OR6B1: variants seen among roughly 807,000 people sequenced by gnomAD.
The protein encoded by OR6B1 is olfactory receptor family 6 subfamily B member 1, also known as olfactory receptor 6B1.
In OR6B1, 15 loss-of-function variants were observed where a neutral mutation model predicts 15.4. That is an observed-to-expected ratio of 0.97 (90% CI 0.65 to 1.50). The LOEUF is 1.50. OR6B1 is among the 40% of genes most tolerant of loss of function. The pLI, the probability that OR6B1 is intolerant of heterozygous loss-of-function variation, is 0.00. For missense variants in OR6B1, 384 were observed against 385.0 expected (o/e 1.00, Z 0.02); for synonymous variants, 139 against 144.9 (o/e 0.96, Z 0.29).
rs1563012186 is a variant in OR6B1, at chr7:144,004,219, T to C, written c.223T>C (p.Ser75Pro). 3 of 1,614,216 alleles carry C rather than the reference T, an allele frequency of 1.9e-6. No individual in the cohort carries two copies. Among genetic ancestry groups the C allele is most frequent in the Admixed American group, 1.7e-5 (1 of 60,030 alleles). Residue 75 changes from serine to proline, a missense_variant, in exon 2 of 2, where the codon TCT becomes CCT. Physicochemically the swap from Ser to Pro is moderately conservative, Grantham distance 74 (BLOSUM62 -1). Coordinates refer to ENST00000641698, the MANE Select transcript of OR6B1 (RefSeq NM_001005281.3). ...GTCCTTCTTGGAGACCTGGTACATCTCTGTGACTGTGCCCAAGTTACTGTT... is the reference window on the plus strand; with the variant it reads ...GTCCTTCTTGGAGACCTGGTACATCCCTGTGACTGTGCCCAAGTTACTGTT... ...NLSFLETWYI[S>P]VTVPKLLFSF...
At chr7:144,000,887 G>A (rs1377048616) in intron 1 of OR6B1, among the ~76,000 whole-genome samples, 1 of 152,154 alleles carries the variant, frequency 6.6e-6, no homozygotes, top group Non-Finnish European at 1.5e-5. Context: ...ATCTCTCTGT[G>A]TGGGATCAAA....
In OR6B1 at chr7:144,000,586, C is replaced by T. The variant is rs1285602410; in HGVS notation, c.-90C>T. 6.6e-6 allele frequency: 1 copy of T among 152,620 alleles called. No individual in the cohort carries two copies. Among genetic ancestry groups the T allele is most frequent in the Non-Finnish European group, 1.5e-5 (1 of 68,042 alleles). 9.5% of individuals were successfully genotyped at this position (152,620 alleles called of 1,614,324 possible). A position where few individuals can be genotyped will look rare whatever the true frequency, so the allele number is the denominator to read the frequency against. On this transcript the variant is annotated 5_prime_UTR_variant, in exon 1 of 2. Coordinates refer to ENST00000641698, the MANE Select transcript of OR6B1 (RefSeq NM_001005281.3). ...CCTGAATCTTTTTCTTCTGCATCTT[C>T]CTATTTTAGAATTGGTGAAGGCTTT...
rs201173805 is a variant in OR6B1 at position 144,004,918 on chromosome 7, A to C, written c.922A>C (p.Ser308Arg). 12 of 1,600,514 alleles carry C rather than the reference A, an allele frequency of 7.5e-6. No individual in the cohort carries two copies. In the East Asian group the frequency reaches 2.0e-4, roughly 27 times the overall value. The change falls in exon 2 of 2, where the codon AGC becomes CGC. Residue 308 changes from serine to arginine, a missense_variant. Ser to Arg is a moderately radical substitution (Grantham distance 110, BLOSUM62 -1). Transcript: ENST00000641698. ...GAAGAAACTGGCATATTGCCAGGCC[A>C]GCAGATCTGACTAGTCAATTACAGC... Reference protein sequence around the residue: ...ALKKLAYCQASRSD With the variant: ...ALKKLAYCQARRSD
In OR6B1 at chr7:144,004,762, A is replaced by T; in HGVS notation, c.766A>T (p.Met256Leu). Residue 256 changes from methionine to leucine, a missense_variant, in exon 2 of 2, where the codon ATG (methionine) becomes TTG (leucine). Coordinates refer to ENST00000641698, the MANE Select transcript of OR6B1 (RefSeq NM_001005281.3). The part of the protein sequence containing the change: ...VTIFYSAIIF[M>L]YARPRVIHAF... Reference sequence around the variant, plus strand: ...CATTTTCTATTCAGCCATTATTTTCATGTATGCTCGACCTCGAGTTATCCA... The same window carrying T: ...CATTTTCTATTCAGCCATTATTTTCTTGTATGCTCGACCTCGAGTTATCCA... 2 of 1,614,152 alleles carry T rather than the reference A, an allele frequency of 1.2e-6. No homozygotes were observed. The highest frequency in any genetic ancestry group is 1.7e-6 in the Non-Finnish European group (2 of 1,180,026).
intron 1 of OR6B1, 188 bp from the exon 2 acceptor site, chr7:144,003,784 C>CACACACACAG: frequency 3.5e-6 from 2 of 563,708 alleles, no homozygotes; most frequent in Non-Finnish European, 6.3e-6. Context: ...CACACACACA[C>CACACACACAG]ACACACACAC....
Position 144,004,643 on chromosome 7 carries a change from T to A in OR6B1, c.647T>A (p.Leu216Gln). The A allele has an allele frequency of 6.2e-7, 1 of 1,614,228 alleles. No individual in the cohort carries two copies. The highest frequency in any genetic ancestry group is 8.5e-7 in the Non-Finnish European group (1 of 1,180,026). Residue 216 changes from leucine (L) to glutamine (Q), a missense_variant, in exon 2 of 2, where the codon CTG becomes CAG. Physicochemically the swap from Leu to Gln is moderately radical, Grantham distance 113 (BLOSUM62 -2). Transcript: ENST00000641698. ...IFLFPLFITV[L>Q]SYGCILATIL... Reference sequence around the variant, plus strand: ...CTATTCCCACTCTTTATTACTGTCCTGTCCTACGGATGCATTCTGGCCACC... The same window carrying A: ...CTATTCCCACTCTTTATTACTGTCCAGTCCTACGGATGCATTCTGGCCACC...
At position 144,000,658 on chromosome 7, in the gene OR6B1, C is replaced by T. The variant is rs1214906217; in HGVS notation, c.-26+8C>T. 6.6e-6 allele frequency: 1 copy of T among 152,660 alleles called. No individual in the cohort carries two copies. Among genetic ancestry groups the T allele is most frequent in the African/African-American group, 2.4e-5 (1 of 41,450 alleles). The allele number at this position is 152,660 out of a possible 1,614,324, so 9.5% of individuals were successfully genotyped here. A position where few individuals can be genotyped will look rare whatever the true frequency, so the allele number is the denominator to read the frequency against. ...AGAGGCTGCTGTGCCAAGGTAAGTGCTCCCTCTCAGAGCATTACTTTCTCA... is the reference window on the plus strand; with the variant it reads ...AGAGGCTGCTGTGCCAAGGTAAGTGTTCCCTCTCAGAGCATTACTTTCTCA... On this transcript the variant is annotated splice_region_variant and intron_variant, in intron 1 of 1. Coordinates refer to ENST00000641698, the MANE Select transcript of OR6B1 (RefSeq NM_001005281.3).
In OR6B1 at chr7:144,007,770, A is replaced by G. The variant is rs1345831235; in HGVS notation, c.*2838A>G. Reference sequence around the variant, plus strand: ...GTGGCTCCCAAAAATATATTTTCACACTTTCAACCTGGAACTTGTGATTGG... The same window carrying G: ...GTGGCTCCCAAAAATATATTTTCACGCTTTCAACCTGGAACTTGTGATTGG... On this transcript the variant is annotated 3_prime_UTR_variant, in exon 2 of 2. Coordinates refer to ENST00000641698, the MANE Select transcript of OR6B1 (RefSeq NM_001005281.3). 6.6e-6 allele frequency: 1 copy of G among 152,048 alleles called. No individual in the cohort carries two copies. The highest frequency in any genetic ancestry group is 1.5e-5 in the Non-Finnish European group (1 of 68,018). 9.4% of individuals were successfully genotyped at this position (152,048 alleles called of 1,614,324 possible).
chr7:144,003,971 G>C lies in OR6B1; in HGVS notation c.-25-1G>C, dbSNP rs776593242. The stretch of plus-strand genomic sequence containing the variant: ...CTGATCAAATGATTTTTCCTCCCCA[G>C]GAGAGCTAAGCCCTGTGTCTCCAAT... On this transcript the variant is annotated splice_acceptor_variant, in intron 1 of 1. Coordinates refer to ENST00000641698, the MANE Select transcript of OR6B1 (RefSeq NM_001005281.3). LOFTEE classifies it low-confidence loss of function (5UTR_SPLICE). 3 of 1,535,872 alleles carry C rather than the reference G, an allele frequency of 2.0e-6. No individual in the cohort carries two copies. The African/African-American group carries it at 4.1e-5, about 21-fold the overall frequency.
chr7:144,003,657 G>A (rs900874371), intron 1 of OR6B1, among the ~76,000 whole-genome samples: 1 of 152,066 alleles, frequency 6.6e-6, no homozygotes, highest in African/African-American at 2.4e-5. Context: ...ATTAGAAGGA[G>A]CGTGGGCTTT....
In OR6B1 at chr7:144,004,654, T is replaced by C; in HGVS notation, c.658T>C (p.Cys220Arg). Residue 220 changes from cysteine to arginine, a missense_variant, in exon 2 of 2, where the codon TGC becomes CGC. Coordinates refer to ENST00000641698, the MANE Select transcript of OR6B1 (RefSeq NM_001005281.3). ...PLFITVLSYG[C>R]ILATILCMPT... The stretch of plus-strand genomic sequence containing the variant: ...CTTTATTACTGTCCTGTCCTACGGA[T>C]GCATTCTGGCCACCATATTATGCAT... 1 of 1,614,238 alleles carries C rather than the reference T, an allele frequency of 6.2e-7. No homozygotes were observed. The highest frequency in any genetic ancestry group is 8.5e-7 in the Non-Finnish European group (1 of 1,180,038).
At position 144,006,604 on chromosome 7, in the gene OR6B1, AAG is replaced by A. The variant is rs2050626512; in HGVS notation, c.*1676_*1677del. ...CTATTTAAAATCTAGACACACAAAA[AAG>A]AGATTATTTTCTGAAAACTTCAAAT... On this transcript the variant is annotated 3_prime_UTR_variant, in exon 2 of 2. Transcript: ENST00000641698. 1 of 152,214 alleles carries A rather than the reference AAG, an allele frequency of 6.6e-6. No homozygotes were observed. Among genetic ancestry groups the A allele is most frequent in the Non-Finnish European group, 1.5e-5 (1 of 68,044 alleles). The allele number at this position is 152,214 out of a possible 1,614,324, so 9.4% of individuals were successfully genotyped here.
rs147847304 is a variant in OR6B1, at chr7:144,007,326, A to T, written c.*2394A>T. On this transcript the variant is annotated 3_prime_UTR_variant, in exon 2 of 2. Transcript: ENST00000641698. ...AGTGGATTACTGGTTAAATTCACAT[A>T]GAAACAAGCTATTTCTAAGGTGACA... The T allele has an allele frequency of 4.6e-5, 7 of 152,246 alleles. No homozygotes were observed. The East Asian group carries it at 1.4e-3, about 29-fold the overall frequency. The allele number at this position is 152,246 out of a possible 1,614,324, so 9.4% of individuals were successfully genotyped here. A position where few individuals can be genotyped will look rare whatever the true frequency, so the allele number is the denominator to read the frequency against.
intron 1 of OR6B1, among the ~76,000 whole-genome samples, 176 bp downstream of exon 1, chr7:144,000,826 C>T (rs1368620848): frequency 6.6e-6 from 1 of 152,192 alleles, no homozygotes; most frequent in Non-Finnish European, 1.5e-5. Context: ...CTAAGTGCAG[C>T]CAGTTATGCA....
In OR6B1 at chr7:144,004,755, T is replaced by C. The variant is rs747585306; in HGVS notation, c.759T>C (p.Ile253=). Residue 253 remains isoleucine (I), a synonymous_variant, in exon 2 of 2, where the codon ATT becomes ATC. Transcript: ENST00000641698. The part of the protein sequence containing the change: ...LVVVTIFYSA[I]IFMYARPRVI... ...TGGTCACCATTTTCTATTCAGCCAT[T>C]ATTTTCATGTATGCTCGACCTCGAG... 6.2e-7 allele frequency: 1 copy of C among 1,614,216 alleles called. No homozygotes were observed.
In OR6B1 at chr7:144,006,129, G is replaced by A. The variant is rs2050622666; in HGVS notation, c.*1197G>A. 1 of 152,144 alleles carries A rather than the reference G, an allele frequency of 6.6e-6. No individual in the cohort carries two copies. Among genetic ancestry groups the A allele is most frequent in the African/African-American group, 2.4e-5 (1 of 41,420 alleles). The allele number at this position is 152,144 out of a possible 1,614,324, so 9.4% of individuals were successfully genotyped here. A position where few individuals can be genotyped will look rare whatever the true frequency, so the allele number is the denominator to read the frequency against. ...ATGCTTTCTCTTTCTTCTTAATTAA[G>A]AAACGTGAGGCAGAATTATTTGTTC... On this transcript the variant is annotated 3_prime_UTR_variant, in exon 2 of 2. Coordinates refer to ENST00000641698, the MANE Select transcript of OR6B1 (RefSeq NM_001005281.3).
chr7:144,004,653 A>T lies in OR6B1; in HGVS notation c.657A>T (p.Gly219=). ...FPLFITVLSY[G]CILATILCMP... is the part of the protein sequence containing the mutation. ...TCTTTATTACTGTCCTGTCCTACGG[A>T]TGCATTCTGGCCACCATATTATGCA... Residue 219 remains glycine, a synonymous_variant, in exon 2 of 2, where the codon GGA becomes GGT. Coordinates refer to ENST00000641698, the MANE Select transcript of OR6B1 (RefSeq NM_001005281.3). 6.2e-7 allele frequency: 1 copy of T among 1,614,176 alleles called. No individual in the cohort carries two copies. Among genetic ancestry groups the T allele is most frequent in the Non-Finnish European group, 8.5e-7 (1 of 1,180,028 alleles).
Position 144,004,635 on chromosome 7 carries a change from T to G in OR6B1, c.639T>G (p.Ile213Met). ...ALVIFLFPLFITVLSYGCILA... is the reference protein window; with the variant it reads ...ALVIFLFPLFMTVLSYGCILA... ...TCATCTTCCTATTCCCACTCTTTAT[T>G]ACTGTCCTGTCCTACGGATGCATTC... Residue 213 changes from isoleucine to methionine, a missense_variant, in exon 2 of 2, where the codon ATT becomes ATG. Coordinates refer to ENST00000641698, the MANE Select transcript of OR6B1 (RefSeq NM_001005281.3). The G allele has an allele frequency of 6.2e-7, 1 of 1,614,226 alleles. No homozygotes were observed. Among genetic ancestry groups the G allele is most frequent in the Non-Finnish European group, 8.5e-7 (1 of 1,180,040 alleles).
At position 144,005,706 on chromosome 7, in the gene OR6B1, C is replaced by T. The variant is rs1354008797; in HGVS notation, c.*774C>T. ...ATCTTGATATCCTCTTGTTCCCGCCCCGCACCCCCCTTCCCGCCCTCTCTT... is the reference window on the plus strand; with the variant it reads ...ATCTTGATATCCTCTTGTTCCCGCCTCGCACCCCCCTTCCCGCCCTCTCTT... On this transcript the variant is annotated 3_prime_UTR_variant, in exon 2 of 2. Coordinates refer to ENST00000641698, the MANE Select transcript of OR6B1 (RefSeq NM_001005281.3). The T allele has an allele frequency of 6.6e-6, 1 of 152,042 alleles. No homozygotes were observed. Among genetic ancestry groups the T allele is most frequent in the Non-Finnish European group, 1.5e-5 (1 of 68,018 alleles). The allele number at this position is 152,042 out of a possible 1,614,324, so 9.4% of individuals were successfully genotyped here. A position where few individuals can be genotyped will look rare whatever the true frequency, so the allele number is the denominator to read the frequency against.
Sources: allele counts gnomAD v4.1 joint callset (sites outside exome capture counted in the v4.1 genomes callset), GRCh38; gene constraint gnomAD v4.1.1; transcripts MANE v1.5; gene names NCBI Gene and HGNC (gene_info 2026-07-23, HGNC 2026-07-21).